The following TRAF3 variants were observed in gnomAD, a reference collection of about 807,000 sequenced individuals.
TRAF3 encodes the protein TNF receptor associated factor 3, also known as TNF receptor-associated factor 3.
TRAF3 carries 13 observed loss-of-function variants against 62.3 expected under a neutral mutation model. The ratio of observed to expected loss-of-function variants is 0.21; its 90% CI spans 0.14 to 0.33. TRAF3 has a LOEUF of 0.33. TRAF3 is among the 10% of genes least tolerant of loss of function. The pLI is 1.00. For missense variants in TRAF3, 440 were observed against 741.8 expected (o/e 0.59, Z 4.73); for synonymous variants, 269 against 283.4 (o/e 0.95, Z 0.51).
intron 2 of TRAF3, among the ~76,000 whole-genome samples, chr14:102,869,095 A>G (rs544766184): frequency 6.6e-6 from 1 of 152,324 alleles, no homozygotes; most frequent in Admixed American, 6.5e-5. Context: ...CCCCTCATGC[A>G]CACAGGGAGC....
chr14:102,798,140 G>T (rs1416075567), intron 1 of TRAF3, among the ~76,000 whole-genome samples: 1 of 152,014 alleles, frequency 6.6e-6, no homozygotes, highest in Non-Finnish European at 1.5e-5. Flanking sequence ...CTAAGCTTAG[G>T]TACTCAGTGT....
At chr14:102,789,087 T>G (rs1299647407) in intron 1 of TRAF3, among the ~76,000 whole-genome samples, 1 of 152,220 alleles carries the variant, frequency 6.6e-6, no homozygotes, top group African/African-American at 2.4e-5. Context: ...TGGATTTGCC[T>G]ATTTTAGATA....
intron 2 of TRAF3, among the ~76,000 whole-genome samples, chr14:102,842,487 G>C (rs1406670510): frequency 6.6e-6 from 1 of 152,048 alleles, no homozygotes; most frequent in Non-Finnish European, 1.5e-5. Context: ...AGCATCAGCA[G>C]CCTGTGGGAC....
chr14:102,866,850 A>AAC (rs538121314), intron 2 of TRAF3, among the ~76,000 whole-genome samples: 22,314 of 132,050 alleles, frequency 0.17, 1,964 homozygotes, highest in East Asian at 0.32. Flanking sequence ...ATCTCTTGAA[A>AAC]ACACACACAC....
intron 2 of TRAF3, among the ~76,000 whole-genome samples, chr14:102,839,074 T>C (rs537719946): frequency 1.3e-5 from 2 of 152,234 alleles, no homozygotes; most frequent in African/African-American, 4.8e-5. Flanking sequence ...GGATGAGTCC[T>C]TTTGCTTGCC....
At chr14:102,864,369 C>T (rs1441130566) in intron 2 of TRAF3, among the ~76,000 whole-genome samples, 2 of 151,896 alleles carry the variant, frequency 1.3e-5, no homozygotes, top group Non-Finnish European at 1.5e-5. Context: ...GGGATGGTCT[C>T]GATCTCCTGA....
At chr14:102,886,425 A>AT (rs1345211334) in intron 7 of TRAF3, among the ~76,000 whole-genome samples, 156 bp downstream of exon 7, 1 of 152,122 alleles carries the variant, frequency 6.6e-6, no homozygotes, top group Non-Finnish European at 1.5e-5. Context: ...GCCTTATGCC[A>AT]TTTTTTGGAA....
intron 1 of TRAF3, among the ~76,000 whole-genome samples, chr14:102,817,905 A>G (rs1429950671): frequency 1.3e-5 from 2 of 152,178 alleles, no homozygotes. Context: ...GTTATCCATA[A>G]TAGAGCTTTT....
At chr14:102,786,962 T>TC (rs1194886759) in intron 1 of TRAF3, among the ~76,000 whole-genome samples, 2 of 152,098 alleles carry the variant, frequency 1.3e-5, no homozygotes, top group Non-Finnish European at 2.9e-5. Context: ...TCACCATACT[T>TC]CCGCACTTTA....
intron 1 of TRAF3, among the ~76,000 whole-genome samples, chr14:102,821,030 A>G (rs1899954855): frequency 6.6e-6 from 1 of 152,140 alleles, no homozygotes; most frequent in African/African-American, 2.4e-5. Context: ...AAATATGCCT[A>G]CTAAATATGC....
chr14:102,815,952 A>G (rs933943184), intron 1 of TRAF3, among the ~76,000 whole-genome samples: 1 of 152,162 alleles, frequency 6.6e-6, no homozygotes, highest in African/African-American at 2.4e-5. Context: ...GGGGATTACA[A>G]TTCGAGATGA....
chr14:102,846,411 A>G (rs1886724167), intron 2 of TRAF3, among the ~76,000 whole-genome samples: 1 of 152,176 alleles, frequency 6.6e-6, no homozygotes, highest in African/African-American at 2.4e-5. Context: ...ATGTAGTATG[A>G]TTTTGTTATT....
At chr14:102,899,495 C>T (rs899540269) in intron 10 of TRAF3, among the ~76,000 whole-genome samples, 5 of 152,192 alleles carry the variant, frequency 3.3e-5, no homozygotes, top group Non-Finnish European at 7.3e-5. Flanking sequence ...CGGTCACCTT[C>T]CCAGCTTCGC....
chr14:102,895,222 T>C (rs1451947211), intron 9 of TRAF3: 2 of 409,286 alleles, frequency 4.9e-6, no homozygotes, highest in South Asian at 1.8e-5. Context: ...TAGGAGTTCA[T>C]GGACGTATGA....
intron 6 of TRAF3, among the ~76,000 whole-genome samples, chr14:102,877,832 A>G (rs1479192958): frequency 6.8e-6 from 1 of 147,374 alleles, no homozygotes; most frequent in African/African-American, 2.5e-5. Context: ...TCCCTTCCGC[A>G]GGCCCTCCCT....
chr14:102,891,469 T>C, intron 9 of TRAF3, 52 bp downstream of exon 9: 1 of 1,551,398 alleles, frequency 6.4e-7, no homozygotes, highest in Non-Finnish European at 8.7e-7. Flanking sequence ...CTCTTCAGAT[T>C]ATTTAAAGAC....
At chr14:102,853,449 T>A (rs1490690951) in intron 2 of TRAF3, among the ~76,000 whole-genome samples, 1 of 152,048 alleles carries the variant, frequency 6.6e-6, no homozygotes, top group Non-Finnish European at 1.5e-5. Context: ...ACGAAAAAAA[T>A]TGTAAACACT....
intron 1 of TRAF3, among the ~76,000 whole-genome samples, chr14:102,789,465 A>AT (rs548885900): frequency 2.9e-5 from 3 of 102,692 alleles, no homozygotes; most frequent in African/African-American, 5.3e-5. Context: ...TGCTAAATTT[A>AT]TTTTTTTTGT....
chr14:102,781,540 G>A lies in TRAF3; in HGVS notation c.-157+3865G>A, dbSNP rs1286260121. Reference sequence around the variant, plus strand: ...TCCTAGCCTGGCATGCGCACCTGTGGTCCCAGTTACTCCAGAGGATGAAGT... The same window carrying A: ...TCCTAGCCTGGCATGCGCACCTGTGATCCCAGTTACTCCAGAGGATGAAGT... On this transcript the variant is annotated intron_variant, in intron 1 of 11. Transcript: ENST00000392745. 2.0e-5 allele frequency among the ~76,000 whole-genome samples: 3 copies of A among 152,142 alleles called. No individual in the cohort carries two copies. In the East Asian group the frequency reaches 5.8e-4, roughly 29 times the overall value.
Sources: gnomAD v4.1 joint callset for allele counts (sites outside exome capture counted in the v4.1 genomes callset) on GRCh38, gnomAD v4.1.1 for gene constraint, MANE v1.5 for transcripts, NCBI Gene and HGNC (gene_info 2026-07-23, HGNC 2026-07-21) for gene names.